Variants in GNAO1 observed in about 807,000 individuals in gnomAD.
The protein encoded by GNAO1 is guanine nucleotide-binding protein G(o) subunit alpha.
For missense variants in GNAO1, 166 were observed against 478.7 expected (o/e 0.35, Z 6.10); for synonymous variants, 164 against 180.7 (o/e 0.91, Z 0.74).
At chr16:56,217,614 T>C (rs1022611010) in intron 2 of GNAO1, among the ~76,000 whole-genome samples, 3 of 152,196 alleles carry the variant, frequency 2.0e-5, no homozygotes, top group Admixed American at 2.0e-4. Context: ...GGGTTACATT[T>C]GTTGAAGGGC....
intron 2 of GNAO1, among the ~76,000 whole-genome samples, chr16:56,275,616 C>T (rs1336997790): frequency 6.6e-6 from 1 of 152,214 alleles, no homozygotes; most frequent in Non-Finnish European, 1.5e-5. Context: ...ATACTCATGA[C>T]TAACATACAT....
chr16:56,279,402 C>T (rs1256870099), intron 3 of GNAO1, among the ~76,000 whole-genome samples: 1 of 152,200 alleles, frequency 6.6e-6, no homozygotes, highest in Non-Finnish European at 1.5e-5. Context: ...GACCTCCTTA[C>T]ATCCGTCTGT....
intron 2 of GNAO1, among the ~76,000 whole-genome samples, chr16:56,275,480 T>C (rs544858171): frequency 6.6e-6 from 1 of 152,352 alleles, no homozygotes; most frequent in African/African-American, 2.4e-5. Context: ...TCATTTTACC[T>C]TCATTAAAAG....
intron 2 of GNAO1, among the ~76,000 whole-genome samples, chr16:56,223,710 A>G (rs916929597): frequency 2.0e-5 from 3 of 152,194 alleles, no homozygotes; most frequent in South Asian, 4.1e-4. Context: ...AGCACCTGGA[A>G]TGTTGGTAAA....
At chr16:56,319,384 G>T (rs1428240789) in intron 3 of GNAO1, among the ~76,000 whole-genome samples, 1 of 152,194 alleles carries the variant, frequency 6.6e-6, no homozygotes, top group South Asian at 2.1e-4. Context: ...GCTATGACAG[G>T]AGAAGCTGGT....
chr16:56,258,803 A>G (rs944028961), intron 2 of GNAO1, among the ~76,000 whole-genome samples: 12 of 152,192 alleles, frequency 7.9e-5, no homozygotes, highest in African/African-American at 2.7e-4. Context: ...TGGGAGAGAC[A>G]GGGGATTGGG....
chr16:56,287,146 C>T (rs1161255242), intron 3 of GNAO1, among the ~76,000 whole-genome samples: 3 of 152,222 alleles, frequency 2.0e-5, no homozygotes, highest in East Asian at 1.9e-4. Flanking sequence ...CCAATGGTCT[C>T]GCCTTTCCAC....
intron 2 of GNAO1, among the ~76,000 whole-genome samples, chr16:56,243,362 A>G (rs540341413): frequency 1.7e-3 from 254 of 152,316 alleles, no homozygotes; most frequent in Non-Finnish European, 3.1e-3. Context: ...TTTAGAGGAT[A>G]TTGTCAGTAA....
chr16:56,345,918 T>C (rs1321196097), intron 6 of GNAO1: 1 of 985,398 alleles, frequency 1.0e-6, no homozygotes, highest in East Asian at 1.1e-4. Context: ...TGGAAGTCAC[T>C]GGGCTGGAGG....
At chr16:56,336,608 CT>C (rs2037742450) in intron 5 of GNAO1, 122 bp from the exon 6 acceptor site, 2 of 859,310 alleles carry the variant, frequency 2.3e-6, no homozygotes, top group Middle Eastern at 2.7e-4. Context: ...CTAGTGAGGG[CT>C]TTTAGCAAGG....
At position 56,192,126 on chromosome 16, in the gene GNAO1, G is replaced by T; in HGVS notation, c.-110G>T. 1 of 648,316 alleles carries T rather than the reference G, an allele frequency of 1.5e-6. No individual in the cohort carries two copies. Among genetic ancestry groups the T allele is most frequent in the South Asian group, 1.8e-5 (1 of 56,520 alleles). The allele number at this position is 648,316 out of a possible 1,614,324, so 40.2% of individuals were successfully genotyped here. On this transcript the variant is annotated 5_prime_UTR_variant, in exon 1 of 9. Coordinates refer to ENST00000262493, the MANE Select transcript of GNAO1 (RefSeq NM_020988.3). ...TTTCCAGCCCAGGAGAGGATATCGT[G>T]ATTTTCCCCCCTTGAGCCCAGGCTC...
intron 6 of GNAO1, chr16:56,345,757 G>A: frequency 1.0e-6 from 1 of 985,640 alleles, no homozygotes; most frequent in Non-Finnish European, 1.2e-6. Context: ...GCCCAACACA[G>A]AAGACATGGC....
At chr16:56,316,576 T>C (rs1216803689) in intron 3 of GNAO1, among the ~76,000 whole-genome samples, 1 of 152,194 alleles carries the variant, frequency 6.6e-6, no homozygotes, top group East Asian at 1.9e-4. Flanking sequence ...TGCCTGGGTC[T>C]CGCCTCACCT....
intron 3 of GNAO1, among the ~76,000 whole-genome samples, chr16:56,306,477 G>A (rs1458434379): frequency 6.6e-6 from 1 of 152,208 alleles, no homozygotes; most frequent in Non-Finnish European, 1.5e-5. Context: ...GCTGAATTCA[G>A]TGAGGTGGAC....
At chr16:56,352,495 A>AGGT (rs2037933163) in intron 7 of GNAO1, 1 of 152,282 alleles carries the variant, frequency 6.6e-6, no homozygotes, top group Non-Finnish European at 1.5e-5. Flanking sequence ...ATGGAGGAGG[A>AGGT]GGTGTCCTGT....
At chr16:56,286,501 G>T (rs1440229887) in intron 3 of GNAO1, among the ~76,000 whole-genome samples, 3 of 152,128 alleles carry the variant, frequency 2.0e-5, no homozygotes, top group Admixed American at 6.5e-5. Flanking sequence ...CCACTCTGCC[G>T]CACTGTGTGG....
At chr16:56,282,651 T>A (rs1456774462) in intron 3 of GNAO1, among the ~76,000 whole-genome samples, 1 of 152,226 alleles carries the variant, frequency 6.6e-6, no homozygotes, top group Admixed American at 6.5e-5. Flanking sequence ...AACATCTCAC[T>A]TCCTCAATGG....
chr16:56,315,019 G>C (rs1007428952), intron 3 of GNAO1, among the ~76,000 whole-genome samples: 17 of 152,166 alleles, frequency 1.1e-4, no homozygotes, highest in African/African-American at 3.6e-4. Context: ...AAAACAGTAT[G>C]TGCCCACTCT....
intron 2 of GNAO1, among the ~76,000 whole-genome samples, chr16:56,271,966 G>T (rs2037022121): frequency 6.6e-6 from 1 of 151,946 alleles, no homozygotes; most frequent in African/African-American, 2.4e-5. Context: ...AAATAAAGAG[G>T]GTCTTTATTG....
Sources: allele counts gnomAD v4.1 joint callset (sites outside exome capture counted in the v4.1 genomes callset), GRCh38; gene constraint gnomAD v4.1.1; transcripts MANE v1.5; gene names NCBI Gene and HGNC (gene_info 2026-07-23, HGNC 2026-07-21).